Variants in CNTN5 observed in about 807,000 individuals in gnomAD.
The protein encoded by CNTN5 is contactin 5.
A neutral mutation model predicts 129.1 loss-of-function variants in CNTN5; 77 were observed. The observed-to-expected ratio is 0.60, with a 90% CI of 0.50 to 0.72. The LOEUF is 0.72. CNTN5 is among the 30% of genes least tolerant of loss of function. The pLI is 0.00. For missense variants in CNTN5, 1,478 were observed against 1,328.8 expected, an observed-to-expected ratio of 1.11 and a Z score of -1.75; for synonymous variants, 509 against 465.6, an observed-to-expected ratio of 1.09 and a Z score of -1.20.
At chr11:100,187,619 A>G (rs141866460) in intron 13 of CNTN5, among the ~76,000 whole-genome samples, 32 of 152,288 alleles carry the variant, frequency 2.1e-4, no homozygotes, top group Admixed American at 5.9e-4. Flanking sequence ...GGGACTGAAT[A>G]GAGAAACCAG....
rs111267307 is a variant in CNTN5, at chr11:99,792,538, G to GGTGT, written c.56-26971_56-26968dup. ...TATTGAGGATATTGGCCTGAAGAGG[G>GGTGT]GTGTGTGTGTGTGTGTGTGTGTGTG... On this transcript the variant is annotated intron_variant, in intron 3 of 24. Coordinates refer to ENST00000524871, the MANE Select transcript of CNTN5 (RefSeq NM_014361.4). Among the ~76,000 whole-genome samples, 716 of 127,774 alleles carry GGTGT rather than the reference G, an allele frequency of 5.6e-3. 9 individuals carry two copies. The highest frequency in any genetic ancestry group is 0.011 in the South Asian group (42 of 3,912). The allele number at this position is 127,774 out of a possible 152,430, so 83.8% of individuals were successfully genotyped here.
At chr11:100,199,385 C>T (rs73562480) in intron 15 of CNTN5, among the ~76,000 whole-genome samples, 3,295 of 151,916 alleles carry the variant, frequency 0.022, 114 homozygotes, top group African/African-American at 0.075. Context: ...CTGCTCTGAA[C>T]GCTGGCAACC....
intron 4 of CNTN5, among the ~76,000 whole-genome samples, chr11:99,833,177 G>T (rs1327426128): frequency 6.6e-6 from 1 of 152,100 alleles, no homozygotes; most frequent in Non-Finnish European, 1.5e-5. Context: ...TATGAAGGAA[G>T]TTATAAAGTT....
At chr11:99,036,237 T>C (rs1301698678) in intron 1 of CNTN5, among the ~76,000 whole-genome samples, 2 of 152,190 alleles carry the variant, frequency 1.3e-5, no homozygotes, top group Non-Finnish European at 1.5e-5. Flanking sequence ...CCTAGTGTTC[T>C]CATTTATAAT....
At chr11:99,382,844 A>AG (rs774797660) in intron 2 of CNTN5, among the ~76,000 whole-genome samples, 1 of 69,420 alleles carries the variant, frequency 1.4e-5, no homozygotes, top group East Asian at 8.9e-4. Context: ...TCTCTAAATA[A>AG]CTTTTTTTTT....
intron 13 of CNTN5, among the ~76,000 whole-genome samples, chr11:100,078,605 A>AT (rs1357270141): frequency 6.6e-6 from 1 of 152,148 alleles, no homozygotes; most frequent in Non-Finnish European, 1.5e-5. Context: ...AAGAGGACTT[A>AT]CTTGCTCTGC....
intron 2 of CNTN5, among the ~76,000 whole-genome samples, chr11:99,367,544 T>A (rs1423032043): frequency 6.6e-6 from 1 of 152,156 alleles, no homozygotes; most frequent in Non-Finnish European, 1.5e-5. Context: ...AGGTCAGATA[T>A]GATAGCAGGT....
chr11:100,140,845 A>G (rs1219994221), intron 13 of CNTN5, among the ~76,000 whole-genome samples: 1 of 152,162 alleles, frequency 6.6e-6, no homozygotes, highest in Admixed American at 6.6e-5. Context: ...AGTTGGGGCT[A>G]TGACCTGGTG....
chr11:99,399,953 A>C (rs922736026), intron 2 of CNTN5, among the ~76,000 whole-genome samples: 1 of 152,096 alleles, frequency 6.6e-6, no homozygotes, highest in African/African-American at 2.4e-5. Flanking sequence ...CACATCATGG[A>C]AAATGGAGTA....
At chr11:99,096,473 G>T (rs1252684039) in intron 1 of CNTN5, among the ~76,000 whole-genome samples, 2 of 151,738 alleles carry the variant, frequency 1.3e-5, no homozygotes, top group Non-Finnish European at 3.0e-5. Context: ...CTAGAAACAT[G>T]CAGAATATAA....
chr11:100,032,532 G>T (rs962782053), intron 9 of CNTN5, among the ~76,000 whole-genome samples: 1 of 151,832 alleles, frequency 6.6e-6, no homozygotes, highest in Non-Finnish European at 1.5e-5. Flanking sequence ...TAAAATAAAA[G>T]TTTGAGGAGT....
intron 1 of CNTN5, among the ~76,000 whole-genome samples, chr11:99,085,974 A>G (rs1865990545): frequency 6.6e-6 from 1 of 152,232 alleles, no homozygotes; most frequent in East Asian, 1.9e-4. Flanking sequence ...ACACTGTAAC[A>G]GATTTATAGC....
intron 15 of CNTN5, among the ~76,000 whole-genome samples, chr11:100,215,735 T>C (rs1333199315): frequency 1.3e-5 from 2 of 152,138 alleles, no homozygotes; most frequent in East Asian, 1.9e-4. Flanking sequence ...ATATGGAGCA[T>C]TGACATTCCA....
intron 18 of CNTN5, among the ~76,000 whole-genome samples, chr11:100,281,310 G>A (rs938245910): frequency 2.6e-5 from 4 of 152,140 alleles, no homozygotes; most frequent in East Asian, 3.9e-4. Context: ...TTCTTTGTCT[G>A]GGAAGCCTTT....
chr11:100,042,430 A>G (rs990657375), intron 9 of CNTN5, among the ~76,000 whole-genome samples: 2 of 152,132 alleles, frequency 1.3e-5, no homozygotes, highest in Non-Finnish European at 2.9e-5. Flanking sequence ...TTCACATCAG[A>G]TGTAAAATTC....
chr11:100,153,252 C>G (rs945995511), intron 13 of CNTN5, among the ~76,000 whole-genome samples: 1 of 151,974 alleles, frequency 6.6e-6, no homozygotes, highest in Non-Finnish European at 1.5e-5. Flanking sequence ...AGTAAACCTG[C>G]GCAATCAGTT....
intron 16 of CNTN5, 197 bp downstream of exon 16, chr11:100,225,009 C>T (rs1225793617): frequency 2.5e-5 from 11 of 435,410 alleles, no homozygotes; most frequent in Non-Finnish European, 3.7e-5. Flanking sequence ...ATGAAAACCA[C>T]CAAACTAACT....
Position 99,816,002 on chromosome 11 carries a change from C to A in CNTN5, c.56-3542C>A, listed in dbSNP as rs368976621. Among the ~76,000 whole-genome samples, 5 of 152,228 alleles carry A rather than the reference C, an allele frequency of 3.3e-5. No individual in the cohort carries two copies. In the East Asian group the frequency reaches 7.7e-4, roughly 24 times the overall value. ...AACATTATTCACTTCCTTCAGTGAG[C>A]CTTCAACTACACTGCCCTTCACCAT... On this transcript the variant is annotated intron_variant, in intron 3 of 24. Transcript: ENST00000524871.
At chr11:99,453,468 A>G (rs1426715309) in intron 2 of CNTN5, among the ~76,000 whole-genome samples, 2 of 152,232 alleles carry the variant, frequency 1.3e-5, no homozygotes, top group Non-Finnish European at 2.9e-5. Flanking sequence ...GGAAGAGTGA[A>G]TCATCAATAC....
Sources: allele counts gnomAD v4.1 joint callset (sites outside exome capture counted in the v4.1 genomes callset), GRCh38; gene constraint gnomAD v4.1.1; transcripts MANE v1.5; gene names NCBI Gene and HGNC (gene_info 2026-07-23, HGNC 2026-07-21).